Variants in DSCAM observed in about 807,000 individuals in gnomAD.
The protein encoded by DSCAM is cell adhesion molecule DSCAM.
Under a neutral mutation model 217.7 loss-of-function variants are expected in DSCAM, and 47 were observed. That is an observed-to-expected ratio of 0.22 (90% CI 0.17 to 0.28). DSCAM has a LOEUF of 0.28. DSCAM is among the 10% of genes least tolerant of loss of function. The probability of loss-of-function intolerance (pLI) is 1.00; values close to 1 mark genes in which losing one functional copy is unlikely to be tolerated. For synonymous variants in DSCAM, 1,056 were observed against 1,015.3 expected, an observed-to-expected ratio of 1.04 and a Z score of -0.76; for missense variants, 2,080 against 2,618.3, an observed-to-expected ratio of 0.79 and a Z score of 4.49.
At chr21:40,410,317 A>T (rs2075311820) in intron 3 of DSCAM, among the ~76,000 whole-genome samples, 1 of 152,124 alleles carries the variant, frequency 6.6e-6, no homozygotes, top group Non-Finnish European at 1.5e-5. Flanking sequence ...AAATACGGAT[A>T]GAAAAAGAAC....
At chr21:40,636,445 G>A (rs1262071339) in intron 3 of DSCAM, among the ~76,000 whole-genome samples, 3 of 152,082 alleles carry the variant, frequency 2.0e-5, no homozygotes, top group African/African-American at 7.2e-5. Flanking sequence ...GCCAGGAATG[G>A]AAATAACTTT....
chr21:40,532,492 C>A (rs571655930), intron 3 of DSCAM, among the ~76,000 whole-genome samples: 1 of 152,012 alleles, frequency 6.6e-6, no homozygotes, highest in Admixed American at 6.6e-5. Flanking sequence ...GTATGTGCAG[C>A]GGTAATGAAA....
intron 3 of DSCAM, among the ~76,000 whole-genome samples, chr21:40,395,723 A>G (rs2075172759): frequency 6.6e-6 from 1 of 152,206 alleles, no homozygotes. Flanking sequence ...ATCACTTTCC[A>G]TGGACAAAGT....
chr21:40,676,851 C>T (rs2090345715), intron 3 of DSCAM, among the ~76,000 whole-genome samples: 2 of 152,086 alleles, frequency 1.3e-5, no homozygotes, highest in South Asian at 4.1e-4. Context: ...GAACAAATTA[C>T]TTCGCTTGGA....
At chr21:40,526,075 A>T (rs909527206) in intron 3 of DSCAM, among the ~76,000 whole-genome samples, 16 of 152,078 alleles carry the variant, frequency 1.1e-4, no homozygotes, top group Admixed American at 1.0e-3. Context: ...ATTTCCTAGG[A>T]TACTTTCTGG....
At chr21:40,313,423 G>C (rs1360362378) in intron 8 of DSCAM, among the ~76,000 whole-genome samples, 6 of 152,208 alleles carry the variant, frequency 3.9e-5, no homozygotes, top group African/African-American at 1.2e-4. Flanking sequence ...ATTCAGCTTT[G>C]CTGAGTGATG....
At chr21:40,524,650 T>C (rs541771824) in intron 3 of DSCAM, among the ~76,000 whole-genome samples, 1 of 152,246 alleles carries the variant, frequency 6.6e-6, no homozygotes, top group South Asian at 2.1e-4. Context: ...GACTTTATAA[T>C]AGACTCAGGG....
At chr21:40,486,931 C>G (rs957682683) in intron 3 of DSCAM, among the ~76,000 whole-genome samples, 1 of 152,014 alleles carries the variant, frequency 6.6e-6, no homozygotes, top group East Asian at 1.9e-4. Flanking sequence ...TTCCTGGGTG[C>G]CAGTCCTGCT....
At chr21:40,360,119 T>G (rs2074742182) in intron 4 of DSCAM, among the ~76,000 whole-genome samples, 1 of 124,432 alleles carries the variant, frequency 8.0e-6, no homozygotes, top group East Asian at 2.5e-4. Flanking sequence ...ACTTCATAGG[T>G]AGTCTTTTTT....
chr21:40,120,274 T>C (rs532641095), intron 20 of DSCAM, among the ~76,000 whole-genome samples: 26 of 152,372 alleles, frequency 1.7e-4, no homozygotes, highest in African/African-American at 6.0e-4. Flanking sequence ...AGAGATATTT[T>C]ATGCCTTCTG....
In DSCAM at chr21:40,312,372, A is replaced by C; in HGVS notation, c.1784-13T>G. 1 of 1,611,556 alleles carries C rather than the reference A, an allele frequency of 6.2e-7. No individual in the cohort carries two copies. The highest frequency in any genetic ancestry group is 8.5e-7 in the Non-Finnish European group (1 of 1,178,360). On this transcript the variant is annotated splice_polypyrimidine_tract_variant and intron_variant, in intron 8 of 32. Coordinates refer to ENST00000400454, the MANE Select transcript of DSCAM (RefSeq NM_001389.5). ...ATGAAAGGCGGAACTGCAAGAAAAA[A>C]GAAAGATAATAACGAACTGTGCTTA...
intron 4 of DSCAM, among the ~76,000 whole-genome samples, chr21:40,366,730 G>A (rs2074836673): frequency 6.6e-6 from 1 of 152,046 alleles, no homozygotes; most frequent in Non-Finnish European, 1.5e-5. Context: ...CTGCAGGAGA[G>A]GATGAAATGA....
intron 3 of DSCAM, among the ~76,000 whole-genome samples, chr21:40,418,176 T>C (rs373930432): frequency 7.9e-5 from 12 of 152,092 alleles, no homozygotes; most frequent in African/African-American, 2.7e-4. Flanking sequence ...ATTGAAAGCA[T>C]TGAGATTCAG....
At chr21:40,357,862 A>AT (rs2074712769) in intron 4 of DSCAM, among the ~76,000 whole-genome samples, 1 of 12,094 alleles carries the variant, frequency 8.3e-5, no homozygotes, top group African/African-American at 6.8e-4. Context: ...AAAGTATAAT[A>AT]AAAAAAAACA....
At chr21:40,766,118 C>G (rs2091386009) in intron 1 of DSCAM, among the ~76,000 whole-genome samples, 1 of 152,182 alleles carries the variant, frequency 6.6e-6, no homozygotes, top group Admixed American at 6.5e-5. Context: ...TTTCCCTCCT[C>G]TCAGCTCCGT....
chr21:40,657,698 C>T (rs529222361), intron 3 of DSCAM, among the ~76,000 whole-genome samples: 1 of 152,126 alleles, frequency 6.6e-6, no homozygotes. Context: ...CGCAGGAGTA[C>T]CCATGCTGAA....
intron 3 of DSCAM, among the ~76,000 whole-genome samples, chr21:40,661,649 G>T (rs2146381022): frequency 6.6e-6 from 1 of 152,284 alleles, no homozygotes; most frequent in East Asian, 1.9e-4. Context: ...GTGGAGTTTA[G>T]ATTGATAAAA....
intron 32 of DSCAM, among the ~76,000 whole-genome samples, chr21:40,032,982 A>G (rs1023021162): frequency 3.9e-5 from 6 of 152,216 alleles, no homozygotes; most frequent in African/African-American, 1.2e-4. Flanking sequence ...AGGAGGAGGA[A>G]GAAGGCTACC....
At chr21:40,750,647 A>T (rs1009565596) in intron 1 of DSCAM, among the ~76,000 whole-genome samples, 1 of 151,672 alleles carries the variant, frequency 6.6e-6, no homozygotes, top group Non-Finnish European at 1.5e-5. Context: ...GCCTGCTCAC[A>T]TCTGCACCAG....
Sources: allele counts gnomAD v4.1 joint callset (sites outside exome capture counted in the v4.1 genomes callset), GRCh38; gene constraint gnomAD v4.1.1; transcripts MANE v1.5; gene names NCBI Gene and HGNC (gene_info 2026-07-23, HGNC 2026-07-21).